Variants in SOX5 observed in about 807,000 individuals in gnomAD.
The protein encoded by SOX5 is transcription factor SOX-5.
SOX5 carries 9 observed loss-of-function variants against 92.0 expected under a neutral mutation model. The ratio of observed to expected loss-of-function variants is 0.10; its 90% CI spans 0.06 to 0.17. SOX5 has a LOEUF of 0.17. Ranked by LOEUF, SOX5 falls within the 10% of genes least tolerant of loss-of-function variation. The pLI is 1.00. For missense variants in SOX5, 642 were observed against 944.5 expected (o/e 0.68, Z 4.20); for synonymous variants, 344 against 336.3 (o/e 1.02, Z -0.25).
intron 4 of SOX5, among the ~76,000 whole-genome samples, chr12:24,001,155 A>G (rs930202140): frequency 6.6e-6 from 1 of 152,088 alleles, no homozygotes. Flanking sequence ...CAGTAATACA[A>G]TCATGGCTCA....
At chr12:24,174,259 A>G (rs557242007) in intron 4 of SOX5, among the ~76,000 whole-genome samples, 2 of 152,266 alleles carry the variant, frequency 1.3e-5, no homozygotes, top group East Asian at 3.9e-4. Context: ...TTGGCTTCTC[A>G]AAGTGCCGGG....
chr12:24,186,823 T>C (rs1956063073), intron 4 of SOX5, among the ~76,000 whole-genome samples: 1 of 152,192 alleles, frequency 6.6e-6, no homozygotes, highest in Admixed American at 6.6e-5. Context: ...TTTTCTTTGG[T>C]TGGCAGAATT....
chr12:24,282,767 A>G (rs1945370530), intron 2 of SOX5, among the ~76,000 whole-genome samples: 1 of 152,202 alleles, frequency 6.6e-6, no homozygotes, highest in South Asian at 2.1e-4. Flanking sequence ...GGTTAAGTTA[A>G]TTAGGGCAGT....
At chr12:23,559,600 T>C (rs1198031784) in intron 11 of SOX5, among the ~76,000 whole-genome samples, 1 of 152,224 alleles carries the variant, frequency 6.6e-6, no homozygotes, top group Non-Finnish European at 1.5e-5. Context: ...ACACCTCTAA[T>C]TGTTTTCACT....
intron 3 of SOX5, among the ~76,000 whole-genome samples, chr12:24,273,752 C>T (rs1944070032): frequency 6.6e-6 from 1 of 152,018 alleles, no homozygotes; most frequent in African/African-American, 2.4e-5. Context: ...TGTTTTATAA[C>T]TTCTTGAGAG....
Position 24,363,067 on chromosome 12 carries a change from A to G in SOX5, c.-174+5496T>C, listed in dbSNP as rs74783583. Among the ~76,000 whole-genome samples, 395 of 152,112 alleles carry G rather than the reference A, an allele frequency of 2.6e-3. 7 individuals carry two copies. In the East Asian group the frequency reaches 0.073, roughly 28 times the overall value. On this transcript the variant is annotated intron_variant, in intron 2 of 4. Coordinates refer to the SOX5 transcript ENST00000446891. ...ATATATGAAATATTTATTGATATTA[A>G]AACATTTATAATTATAGAGCTACTA...
intron 3 of SOX5, among the ~76,000 whole-genome samples, chr12:23,824,281 T>A (rs2096184997): frequency 6.6e-6 from 1 of 152,220 alleles, no homozygotes; most frequent in African/African-American, 2.4e-5. Flanking sequence ...TTGATGTTGG[T>A]GATCTTCAGA....
intron 1 of SOX5, among the ~76,000 whole-genome samples, chr12:24,377,615 G>A (rs956979933): frequency 1.3e-5 from 2 of 152,126 alleles, no homozygotes; most frequent in Non-Finnish European, 2.9e-5. Context: ...GACTGTGCCT[G>A]GAACCCAAGT....
Position 23,575,732 on chromosome 12 carries a change from C to G in SOX5, c.1271G>C (p.Ser424Thr). ...SPHMPALRINSGAGPLKASVP... is the reference protein window; with the variant it reads ...SPHMPALRINTGAGPLKASVP... ...AGAGGCTTTGAGGGGGCCTGCCCCA[C>G]TGTTTATTCTCAGAGCTGGCATATG... The change falls in exon 10 of 15, where the codon AGT becomes ACT. Residue 424 changes from serine (S) to threonine (T), a missense_variant. Around this residue, in one of 8 missense-constraint regions of SOX5, gnomAD observed 324 missense variants for 461.6 expected, o/e 0.70. Coordinates refer to ENST00000451604, the MANE Select transcript of SOX5 (RefSeq NM_006940.6). The G allele has an allele frequency of 6.2e-7, 1 of 1,614,014 alleles. No individual in the cohort carries two copies. Among genetic ancestry groups the G allele is most frequent in the Non-Finnish European group, 8.5e-7 (1 of 1,179,934 alleles).
chr12:23,818,498 T>G (rs2096043377), intron 3 of SOX5, among the ~76,000 whole-genome samples: 1 of 152,054 alleles, frequency 6.6e-6, no homozygotes, highest in Admixed American at 6.6e-5. Context: ...AGTCAGTGAG[T>G]GGCAGGTGAA....
intron 4 of SOX5, among the ~76,000 whole-genome samples, chr12:24,126,533 A>T (rs569207986): frequency 2.6e-5 from 4 of 152,184 alleles, no homozygotes; most frequent in Non-Finnish European, 5.9e-5. Flanking sequence ...AAATTTAATA[A>T]GTTTTCAATC....
At position 23,533,205 on chromosome 12, in the gene SOX5, A is replaced by T; in HGVS notation, c.*1014T>A. ...ATCCCCAGATGTGGGTTTAACTCAC[A>T]ATGGTCCAACGTTATTCCTATTATT... On this transcript the variant is annotated 3_prime_UTR_variant, in exon 15 of 15. Transcript: ENST00000451604. 2.2e-6 allele frequency: 1 copy of T among 456,502 alleles called. No homozygotes were observed. The highest frequency in any genetic ancestry group is 4.4e-6 in the Non-Finnish European group (1 of 226,774). The allele number at this position is 456,502 out of a possible 1,614,324, so 28.3% of individuals were successfully genotyped here.
chr12:23,687,710 T>A (rs1327563470), intron 6 of SOX5, among the ~76,000 whole-genome samples: 1 of 151,998 alleles, frequency 6.6e-6, no homozygotes, highest in Non-Finnish European at 1.5e-5. Flanking sequence ...ATGGTCCATA[T>A]CCAGTAAAAC....
At chr12:23,844,301 A>G (rs1436176627) in intron 3 of SOX5, among the ~76,000 whole-genome samples, 1 of 152,202 alleles carries the variant, frequency 6.6e-6, no homozygotes, top group Non-Finnish European at 1.5e-5. Flanking sequence ...CTGAATGTGT[A>G]TTGCTTTTGT....
intron 1 of SOX5, among the ~76,000 whole-genome samples, chr12:24,535,501 A>T (rs971298092): frequency 6.6e-6 from 1 of 152,184 alleles, no homozygotes; most frequent in Non-Finnish European, 1.5e-5. Flanking sequence ...AGGTTAGAGA[A>T]GACAGGACAC....
intron 1 of SOX5, among the ~76,000 whole-genome samples, chr12:24,474,019 T>C (rs1476292777): frequency 1.3e-5 from 2 of 152,168 alleles, no homozygotes; most frequent in Non-Finnish European, 2.9e-5. Context: ...TATAGCATAC[T>C]CAACTTTAAA....
At chr12:24,061,925 G>T (rs1275799471) in intron 4 of SOX5, among the ~76,000 whole-genome samples, 1 of 152,036 alleles carries the variant, frequency 6.6e-6, no homozygotes, top group African/African-American at 2.4e-5. Flanking sequence ...TGTGGAAAAT[G>T]GTTTCAAATA....
intron 3 of SOX5, among the ~76,000 whole-genome samples, chr12:23,779,066 C>T (rs1285003704): frequency 6.6e-6 from 1 of 152,182 alleles, no homozygotes. Flanking sequence ...TGTGGCTTCA[C>T]TGCTTCCAGC....
intron 3 of SOX5, chr12:24,237,949 G>A (rs1045909447): frequency 3.9e-5 from 6 of 152,262 alleles, no homozygotes; most frequent in African/African-American, 1.4e-4. Flanking sequence ...ACAGGACCCT[G>A]CTGGGCCATG....
Sources: gnomAD v4.1 joint callset for allele counts (sites outside exome capture counted in the v4.1 genomes callset) on GRCh38, gnomAD v4.1.1 for gene constraint, gnomAD v4.1.1 regional missense constraint, MANE v1.5 for transcripts, NCBI Gene and HGNC (gene_info 2026-07-23, HGNC 2026-07-21) for gene names.